Variants in RANBP2 observed in about 807,000 individuals in gnomAD.
RANBP2 encodes RAN binding protein 2.
Under a neutral mutation model 303.6 loss-of-function variants are expected in RANBP2, and 57 were observed. That is an observed-to-expected ratio of 0.19 (90% CI 0.15 to 0.23). The LOEUF is 0.23. Among genes scored for constraint, RANBP2 ranks in the 10% least tolerant of loss-of-function variants. The pLI, the probability that RANBP2 is intolerant of heterozygous loss-of-function variation, is 1.00. For missense variants in RANBP2, 3,138 were observed against 3,780.8 expected (o/e 0.83, Z 4.46); for synonymous variants, 1,167 against 1,301.5 (o/e 0.90, Z 2.23).
Position 108,740,509 on chromosome 2 carries a change from CTG to C in RANBP2, c.806_807del (p.Val269GlufsTer7), listed in dbSNP as rs1695994911. On this transcript the variant is annotated frameshift_variant, in exon 7 of 29. Transcript: ENST00000283195. LOFTEE classifies it high-confidence loss of function. ...TACAGTTTTGATAGTGCTCTTCAGT[CTG>C]TGAAATCTTTGGGTGGAAATGATGA... is the stretch of plus-strand genomic sequence containing the variant. 1 of 1,597,512 alleles carries C rather than the reference CTG, an allele frequency of 6.3e-7. No individual in the cohort carries two copies. Among genetic ancestry groups the C allele is most frequent in the Non-Finnish European group, 8.5e-7 (1 of 1,179,770 alleles).
Position 108,751,337 on chromosome 2 carries a change from T to G in RANBP2, c.1347T>G (p.Ala449=). The G allele has an allele frequency of 6.2e-7, 1 of 1,611,992 alleles. No homozygotes were observed. The highest frequency in any genetic ancestry group is 8.5e-7 in the Non-Finnish European group (1 of 1,179,846). The change falls in exon 10 of 29, where the codon GCT becomes GCG. Residue 449 remains alanine, a synonymous_variant. Transcript: ENST00000283195. ...GCTTACAGTGGAATTCATTGCCTGC[T>G]TTACCTGGAATCCGAAAATGGCTAA... ...WLGLQWNSLP[A]LPGIRKWLKQ... is the part of the protein sequence containing the mutation.
chr2:108,812,529 TGG>T, the RANBP2 span: 1 of 795,910 alleles, frequency 1.3e-6, no homozygotes, highest in Non-Finnish European at 2.1e-6. Context: ...TTTGTTACAT[TGG>T]TTAGTAATAT....
the RANBP2 span, among the ~76,000 whole-genome samples, chr2:109,181,913 C>T: frequency 2.0e-5 from 3 of 152,046 alleles, no homozygotes; most frequent in Non-Finnish European, 2.9e-5. Flanking sequence ...TTAGGCTTTA[C>T]TGTAGTTATA....
At chr2:109,525,858 T>C in the RANBP2 span, among the ~76,000 whole-genome samples, 1 of 152,180 alleles carries the variant, frequency 6.6e-6, no homozygotes, top group Non-Finnish European at 1.5e-5. Context: ...GGTTTTGGGA[T>C]CTCTCTGGTC....
chr2:109,068,133 G>A, the RANBP2 span, among the ~76,000 whole-genome samples: 2 of 152,206 alleles, frequency 1.3e-5, no homozygotes, highest in African/African-American at 4.8e-5. Context: ...CACTTCCCTG[G>A]ATCATTTTTA....
chr2:109,547,370 T>G, the RANBP2 span, among the ~76,000 whole-genome samples: 12 of 49,822 alleles, frequency 2.4e-4, no homozygotes, highest in African/African-American at 8.7e-4. Flanking sequence ...AATAAACTTG[T>G]TTTTTTTTTT....
the RANBP2 span, among the ~76,000 whole-genome samples, chr2:109,032,000 A>G: frequency 2.7e-5 from 4 of 146,368 alleles, no homozygotes; most frequent in Non-Finnish European, 5.9e-5. Context: ...ACCGCGTTTC[A>G]GGAGCTGTAA....
chr2:108,999,908 C>T, the RANBP2 span, among the ~76,000 whole-genome samples: 11 of 152,290 alleles, frequency 7.2e-5, 1 homozygote, highest in South Asian at 1.7e-3. Context: ...GCCCTGGGGT[C>T]CATCACAGCA....
the RANBP2 span, among the ~76,000 whole-genome samples, chr2:109,730,967 T>C: frequency 1.3e-5 from 2 of 151,970 alleles, no homozygotes; most frequent in Non-Finnish European, 2.9e-5. Flanking sequence ...TTTGTATTTT[T>C]AGTAGAGACA....
chr2:109,484,516 C>G, the RANBP2 span, among the ~76,000 whole-genome samples: 1 of 152,182 alleles, frequency 6.6e-6, no homozygotes, highest in African/African-American at 2.4e-5. Context: ...TTTTCATTAT[C>G]CCTATATCAG....
At chr2:109,116,631 C>A in the RANBP2 span, among the ~76,000 whole-genome samples, 1 of 152,236 alleles carries the variant, frequency 6.6e-6, no homozygotes, top group Non-Finnish European at 1.5e-5. Context: ...TCTCTCAACT[C>A]GTCAAAGTCA....
At chr2:108,820,234 C>T in the RANBP2 span, among the ~76,000 whole-genome samples, 5 of 151,946 alleles carry the variant, frequency 3.3e-5, no homozygotes, top group African/African-American at 1.2e-4. Context: ...ATGGTGCGAC[C>T]CCGTGCCTAC....
At chr2:109,427,082 C>G in the RANBP2 span, among the ~76,000 whole-genome samples, 14 of 152,188 alleles carry the variant, frequency 9.2e-5, no homozygotes, top group South Asian at 2.9e-3. Flanking sequence ...GATTCTCTGG[C>G]CCTAGCCTCC....
At chr2:109,118,052 G>A in the RANBP2 span, among the ~76,000 whole-genome samples, 24 of 152,286 alleles carry the variant, frequency 1.6e-4, no homozygotes, top group East Asian at 7.8e-4. Flanking sequence ...ACATAATGGC[G>A]TCTGGTGAAG....
the RANBP2 span, among the ~76,000 whole-genome samples, chr2:109,367,845 A>C: frequency 6.6e-6 from 1 of 152,236 alleles, no homozygotes; most frequent in Non-Finnish European, 1.5e-5. Flanking sequence ...CAGAGGGTGC[A>C]CAGGCTTCCA....
In RANBP2 at chr2:108,759,793, T is replaced by C. The variant is rs1167239918; in HGVS notation, c.2602+1245T>C. Among the ~76,000 whole-genome samples the C allele has an allele frequency of 3.9e-5, 6 of 152,322 alleles. No homozygotes were observed. In the East Asian group the frequency reaches 7.7e-4, roughly 20 times the overall value. Reference sequence around the variant, plus strand: ...GCCTTTCCTGGGGCTTTTTTAGTGATGTGTGCAGTCAGTTATTTGGTGCCT... The same window carrying C: ...GCCTTTCCTGGGGCTTTTTTAGTGACGTGTGCAGTCAGTTATTTGGTGCCT... On this transcript the variant is annotated intron_variant, in intron 18 of 28. Coordinates refer to ENST00000283195, the MANE Select transcript of RANBP2 (RefSeq NM_006267.5).
At chr2:108,792,793 G>A in the RANBP2 span, among the ~76,000 whole-genome samples, 6 of 152,196 alleles carry the variant, frequency 3.9e-5, no homozygotes, top group East Asian at 5.8e-4. Flanking sequence ...GGCCAGGCGC[G>A]GTGGCTCACG....
At chr2:109,047,496 A>AAAACAAACAAACAAAC in the RANBP2 span, among the ~76,000 whole-genome samples, 1 of 152,154 alleles carries the variant, frequency 6.6e-6, no homozygotes, top group African/African-American at 2.4e-5. Flanking sequence ...GGCTCAAAGA[A>AAAACAAACAAACAAAC]AAACAAACAA....
the RANBP2 span, among the ~76,000 whole-genome samples, chr2:109,470,468 G>T: frequency 2.6e-5 from 4 of 152,206 alleles, no homozygotes; most frequent in African/African-American, 7.2e-5. Flanking sequence ...ACCCACTTGA[G>T]TGTAGTTGCC....
Sources: allele counts gnomAD v4.1 joint callset (sites outside exome capture counted in the v4.1 genomes callset), GRCh38; gene constraint gnomAD v4.1.1; transcripts MANE v1.5; gene names NCBI Gene and HGNC (gene_info 2026-07-23, HGNC 2026-07-21).